Variants in EPM2A observed in about 807,000 individuals in gnomAD.
EPM2A encodes laforin.
In EPM2A, 21 loss-of-function variants were observed where a neutral mutation model predicts 26.5. The ratio of observed to expected loss-of-function variants is 0.79; its 90% CI spans 0.56 to 1.14. EPM2A has a LOEUF of 1.14. Ranked by LOEUF, EPM2A falls within the 50% of genes most tolerant of loss-of-function variation. EPM2A has a pLI of 0.00. For synonymous variants in EPM2A, 217 were observed against 177.6 expected (o/e 1.22, Z -1.76); for missense variants, 458 against 440.8 (o/e 1.04, Z -0.35).
At chr6:145,619,444 A>G (rs1039995530) in intron 2 of EPM2A, among the ~76,000 whole-genome samples, 1 of 152,250 alleles carries the variant, frequency 6.6e-6, no homozygotes, top group Non-Finnish European at 1.5e-5. Flanking sequence ...AAGATAGCTC[A>G]GGATGATAGA....
chr6:145,450,310 G>C (rs1237923040), intron 4 of EPM2A, among the ~76,000 whole-genome samples: 1 of 135,558 alleles, frequency 7.4e-6, no homozygotes, highest in Non-Finnish European at 1.5e-5. Context: ...CCGAGATCGC[G>C]CCACTGCACT....
chr6:145,419,342 T>A (rs974624453), intron 4 of EPM2A, among the ~76,000 whole-genome samples: 9 of 152,304 alleles, frequency 5.9e-5, no homozygotes, highest in African/African-American at 2.2e-4. Context: ...CTTCCAGGTC[T>A]AATATCCTTT....
rs1193413064 is a variant in EPM2A at position 145,625,758 on chromosome 6, G to T, written c.*1658C>A. ...AAAGCAAATGTCATCTCCCCTAAGT[G>T]CCACAGTTCTATCTCCCCGTCCTCT... On this transcript the variant is annotated 3_prime_UTR_variant, in exon 4 of 4. Coordinates refer to ENST00000367519, the MANE Select transcript of EPM2A (RefSeq NM_005670.4). The T allele has an allele frequency of 3.7e-6, 4 of 1,095,546 alleles. No homozygotes were observed. The African/African-American group carries it at 4.6e-5, about 13-fold the overall frequency. 67.9% of individuals were successfully genotyped at this position (1,095,546 alleles called of 1,614,324 possible). A position where few individuals can be genotyped will look rare whatever the true frequency, so the allele number is the denominator to read the frequency against.
In EPM2A at chr6:145,635,441, T is replaced by C; in HGVS notation, c.522A>G (p.Glu174=). ...IWLGSCPRQV[E]HVTIKLKHEL... ...CATGCTTCAGTTTGATGGTTACATG[T>C]TCCACCTGACGAGGGCAGCTACCCA... Residue 174 remains glutamate, a synonymous_variant, in exon 3 of 4, where the codon GAA becomes GAG. Transcript: ENST00000367519. The C allele has an allele frequency of 6.2e-7, 1 of 1,614,080 alleles. No homozygotes were observed. Among genetic ancestry groups the C allele is most frequent in the Non-Finnish European group, 8.5e-7 (1 of 1,179,904 alleles).
chr6:145,531,795 C>A (rs138062291), intron 2 of EPM2A, among the ~76,000 whole-genome samples: 67 of 152,338 alleles, frequency 4.4e-4, no homozygotes, highest in Admixed American at 1.8e-3. Context: ...TCAGCAAATT[C>A]TACTCCAGAC....
chr6:145,607,083 A>G (rs2128551232), intron 2 of EPM2A, among the ~76,000 whole-genome samples: 1 of 152,264 alleles, frequency 6.6e-6, no homozygotes, highest in South Asian at 2.1e-4. Flanking sequence ...TTCACCCTAT[A>G]AAAGCCTCTC....
chr6:145,644,747 A>C (rs1378281640), intron 2 of EPM2A, among the ~76,000 whole-genome samples: 3 of 152,136 alleles, frequency 2.0e-5, no homozygotes, highest in Non-Finnish European at 4.4e-5. Flanking sequence ...ATTCATCCTG[A>C]AGTCAGAGTA....
intron 2 of EPM2A, among the ~76,000 whole-genome samples, chr6:145,616,693 C>T (rs1775520469): frequency 6.6e-6 from 1 of 152,258 alleles, no homozygotes; most frequent in Non-Finnish European, 1.5e-5. Flanking sequence ...TGGGAACCCA[C>T]CTCTTGCATC....
At chr6:145,580,060 A>T (rs1474833602) in intron 2 of EPM2A, among the ~76,000 whole-genome samples, 1 of 152,144 alleles carries the variant, frequency 6.6e-6, no homozygotes, top group Non-Finnish European at 1.5e-5. Flanking sequence ...TTAAAGATTC[A>T]ATTAAGTTTC....
chr6:145,644,603 C>A (rs1294678257), intron 2 of EPM2A, among the ~76,000 whole-genome samples: 1 of 152,028 alleles, frequency 6.6e-6, no homozygotes, highest in Non-Finnish European at 1.5e-5. Flanking sequence ...TCTAGAAAGA[C>A]AAAGAAACAC....
chr6:145,581,977 AT>A (rs534409290), intron 2 of EPM2A, among the ~76,000 whole-genome samples: 3 of 151,788 alleles, frequency 2.0e-5, no homozygotes, highest in Non-Finnish European at 4.4e-5. Flanking sequence ...GTCTCTTAAG[AT>A]TTTTTTTGTA....
At chr6:145,414,585 T>G (rs1300410968) in intron 4 of EPM2A, among the ~76,000 whole-genome samples, 4 of 152,140 alleles carry the variant, frequency 2.6e-5, no homozygotes, top group Non-Finnish European at 4.4e-5. Flanking sequence ...GGAATGCTTA[T>G]CACCTCTCTT....
At chr6:145,576,495 A>G (rs1340747962) in intron 2 of EPM2A, among the ~76,000 whole-genome samples, 1 of 152,248 alleles carries the variant, frequency 6.6e-6, no homozygotes, top group African/African-American at 2.4e-5. Flanking sequence ...GTAAGTAGCA[A>G]CCTTGCTGGA....
intron 3 of EPM2A, chr6:145,632,203 A>G (rs4896828): frequency 3.3e-5 from 5 of 151,716 alleles, no homozygotes; most frequent in African/African-American, 9.7e-5. Flanking sequence ...ACAAGGCTTT[A>G]GCCCAGTTGT....
At chr6:145,387,115 T>G (rs1354094973) in intron 4 of EPM2A, among the ~76,000 whole-genome samples, 2 of 152,146 alleles carry the variant, frequency 1.3e-5, no homozygotes, top group African/African-American at 2.4e-5. Context: ...TTTCCTTTTA[T>G]AAAGTAGAAA....
chr6:145,419,309 G>T (rs901979674), intron 4 of EPM2A, among the ~76,000 whole-genome samples: 9 of 151,628 alleles, frequency 5.9e-5, no homozygotes, highest in African/African-American at 2.2e-4. Context: ...ATATTCTACT[G>T]GGCTACAATA....
intron 4 of EPM2A, among the ~76,000 whole-genome samples, chr6:145,487,782 T>C (rs1779697248): frequency 6.6e-6 from 1 of 152,182 alleles, no homozygotes; most frequent in Non-Finnish European, 1.5e-5. Context: ...GTTGACTGTG[T>C]TGATAGTTTC....
intron 4 of EPM2A, among the ~76,000 whole-genome samples, chr6:145,427,022 A>G (rs530918614): frequency 4.6e-5 from 7 of 152,260 alleles, no homozygotes; most frequent in African/African-American, 1.7e-4. Flanking sequence ...ATTTTTCTTT[A>G]TATTTGGTGG....
intron 1 of EPM2A, among the ~76,000 whole-genome samples, chr6:145,702,563 T>C (rs1288046520): frequency 6.6e-6 from 1 of 152,222 alleles, no homozygotes; most frequent in African/African-American, 2.4e-5. Flanking sequence ...AGATTTAACA[T>C]AGAAACTATC....
Sources: gnomAD v4.1 joint callset for allele counts (sites outside exome capture counted in the v4.1 genomes callset) on GRCh38, gnomAD v4.1.1 for gene constraint, MANE v1.5 for transcripts, NCBI Gene and HGNC (gene_info 2026-07-23, HGNC 2026-07-21) for gene names.